TENM1: variants seen among roughly 807,000 people sequenced by gnomAD.
TENM1 encodes the protein teneurin transmembrane protein 1, also known as teneurin-1.
In TENM1, 35 loss-of-function variants were observed where a neutral mutation model predicts 174.8. That is an observed-to-expected ratio of 0.20 (90% CI 0.15 to 0.27). The LOEUF (loss-of-function observed/expected upper bound fraction) is 0.27. Ranked by LOEUF, TENM1 falls within the 10% of genes least tolerant of loss-of-function variation. The pLI is 1.00. For synonymous variants in TENM1, 781 were observed against 798.7 expected (o/e 0.98, Z 0.37); for missense variants, 1,633 against 2,130.1 (o/e 0.77, Z 4.59).
the TENM1 span, among the ~76,000 whole-genome samples, chrX:125,078,748 G>A: frequency 2.7e-5 from 3 of 111,490 alleles, no homozygotes; most frequent in Non-Finnish European, 5.7e-5. Context: ...TGTATTGCTC[G>A]CATACCTAAA....
the TENM1 span, among the ~76,000 whole-genome samples, chrX:125,138,027 T>C: frequency 9.0e-6 from 1 of 111,474 alleles, no homozygotes; most frequent in East Asian, 2.8e-4. Flanking sequence ...TTTGTATCCC[T>C]TTCTGTGTAA....
chrX:124,605,408 G>C (rs1273197404), intron 11 of TENM1, among the ~76,000 whole-genome samples: 1 of 108,788 alleles, frequency 9.2e-6, no homozygotes, highest in African/African-American at 3.3e-5. Context: ...GTGATCTACA[G>C]GACCTTTTGT....
intron 3 of TENM1, among the ~76,000 whole-genome samples, chrX:124,751,975 G>A (rs1191517127): frequency 6.4e-4 from 71 of 110,304 alleles, no homozygotes; most frequent in Non-Finnish European, 1.1e-3. Flanking sequence ...TCTTTATAGC[G>A]GCATGATTTA....
chrX:124,975,476 G>A, the TENM1 span, among the ~76,000 whole-genome samples: 1 of 111,507 alleles, frequency 9.0e-6, no homozygotes, highest in Non-Finnish European at 1.9e-5. Context: ...TTTAAATATG[G>A]TCTTATACAA....
intron 3 of TENM1, among the ~76,000 whole-genome samples, chrX:124,791,230 C>T (rs1011576367): frequency 3.6e-5 from 4 of 111,910 alleles, no homozygotes; most frequent in South Asian, 3.7e-4. Context: ...CTATTTATAA[C>T]GATTTCTGAA....
intron 3 of TENM1, among the ~76,000 whole-genome samples, chrX:124,741,878 T>C (rs1244411678): frequency 8.9e-6 from 1 of 112,315 alleles, no homozygotes; most frequent in Non-Finnish European, 1.9e-5. Flanking sequence ...TTTTAACAGA[T>C]GGAATTGCGC....
the TENM1 span, among the ~76,000 whole-genome samples, chrX:125,020,303 C>A: frequency 9.0e-6 from 1 of 111,314 alleles, no homozygotes; most frequent in African/African-American, 3.3e-5. Context: ...TCTGTATTCC[C>A]AGTGGCTTCA....
intron 11 of TENM1, among the ~76,000 whole-genome samples, chrX:124,588,532 G>T (rs1489356726): frequency 9.4e-6 from 1 of 106,659 alleles, no homozygotes; most frequent in Non-Finnish European, 1.9e-5. Flanking sequence ...TCACACTCTG[G>T]GGACTGTTGT....
chrX:124,579,024 C>G (rs920838794), intron 11 of TENM1, among the ~76,000 whole-genome samples: 7 of 112,026 alleles, frequency 6.2e-5, no homozygotes, highest in Admixed American at 5.7e-4. Flanking sequence ...CTCTTTTCTA[C>G]TGGTCAGCCT....
chrX:125,122,486 A>T, the TENM1 span, among the ~76,000 whole-genome samples: 1 of 111,886 alleles, frequency 8.9e-6, no homozygotes, highest in Middle Eastern at 4.7e-3. Flanking sequence ...TTGAAATTTC[A>T]TTCATTTTTA....
At chrX:125,136,112 C>A in the TENM1 span, among the ~76,000 whole-genome samples, 1 of 111,121 alleles carries the variant, frequency 9.0e-6, no homozygotes, top group East Asian at 2.8e-4. Context: ...ATTCTTTAGA[C>A]CTTAAGGAAG....
intron 1 of TENM1, among the ~76,000 whole-genome samples, chrX:124,906,695 T>C (rs982299719): frequency 1.8e-5 from 2 of 112,180 alleles, no homozygotes; most frequent in African/African-American, 6.5e-5. Context: ...ATGCAAACTC[T>C]GGTACATCCA....
At chrX:125,079,336 T>C in the TENM1 span, among the ~76,000 whole-genome samples, 1 of 111,928 alleles carries the variant, frequency 8.9e-6, no homozygotes. Context: ...TATCTGAGGA[T>C]AGACAGTAGC....
the TENM1 span, among the ~76,000 whole-genome samples, chrX:125,059,954 T>C: frequency 9.2e-6 from 1 of 108,983 alleles, no homozygotes; most frequent in African/African-American, 3.3e-5. Context: ...TTACCTTCCA[T>C]AATGCCTTCA....
chrX:125,160,563 A>AAC, the TENM1 span, among the ~76,000 whole-genome samples: 1 of 105,278 alleles, frequency 9.5e-6, no homozygotes, highest in African/African-American at 3.4e-5. Flanking sequence ...AAAAAAAAAA[A>AAC]AAAAAACAGA....
the TENM1 span, among the ~76,000 whole-genome samples, chrX:125,115,569 A>G: frequency 9.0e-6 from 1 of 111,416 alleles, no homozygotes; most frequent in Non-Finnish European, 1.9e-5. Flanking sequence ...ATGTGCAAAA[A>G]CCACAGCATT....
At chrX:124,433,807 A>G (rs2060805199) in intron 23 of TENM1, among the ~76,000 whole-genome samples, 1 of 112,182 alleles carries the variant, frequency 8.9e-6, no homozygotes. Flanking sequence ...CTCAATTTTA[A>G]GAAATGCATT....
At chrX:124,578,397 T>C (rs1214311837) in intron 11 of TENM1, among the ~76,000 whole-genome samples, 1 of 111,593 alleles carries the variant, frequency 9.0e-6, no homozygotes, top group Non-Finnish European at 1.9e-5. Flanking sequence ...AAGGCCAGGA[T>C]AGCATAGTGA....
At chrX:124,836,034 T>C (rs2056385268) in intron 3 of TENM1, among the ~76,000 whole-genome samples, 1 of 111,856 alleles carries the variant, frequency 8.9e-6, no homozygotes, top group South Asian at 3.7e-4. Flanking sequence ...GATTTTTGGC[T>C]TAAGGAATAA....
Sources: gnomAD v4.1 joint callset for allele counts (sites outside exome capture counted in the v4.1 genomes callset) on GRCh38, gnomAD v4.1.1 for gene constraint, MANE v1.5 for transcripts, NCBI Gene and HGNC (gene_info 2026-07-23, HGNC 2026-07-21) for gene names.